Variants in GOT2 observed in about 807,000 individuals in gnomAD.
GOT2 encodes glutamic-oxaloacetic transaminase 2.
GOT2 carries 17 observed loss-of-function variants against 50.0 expected under a neutral mutation model. The observed-to-expected ratio is 0.34, with a 90% CI of 0.23 to 0.51. GOT2 has a LOEUF of 0.51. Among genes scored for constraint, GOT2 ranks in the 20% least tolerant of loss-of-function variants. The pLI is 0.97. For missense variants in GOT2, 430 were observed against 559.6 expected (o/e 0.77, Z 2.34); for synonymous variants, 172 against 204.9 (o/e 0.84, Z 1.37).
Position 58,716,089 on chromosome 16 carries a change from A to G in GOT2, c.944T>C (p.Met315Thr). The G allele has an allele frequency of 1.9e-6, 3 of 1,613,992 alleles. No homozygotes were observed. Among genetic ancestry groups the G allele is most frequent in the Non-Finnish European group, 2.5e-6 (3 of 1,179,886 alleles). Reference protein sequence around the residue: ...ESQLKILIRPMYSNPPLNGAR... With the variant: ...ESQLKILIRPTYSNPPLNGAR... Reference sequence around the variant, plus strand: ...CCCATTGAGGGGAGGGTTGGAATACATGGGACGGATCAAGATCTTCAACTG... The same window carrying G: ...CCCATTGAGGGGAGGGTTGGAATACGTGGGACGGATCAAGATCTTCAACTG... The change falls in exon 8 of 10, where the codon ATG becomes ACG. Residue 315 changes from methionine to threonine, a missense_variant. Physicochemically the swap from Met to Thr is moderately conservative, Grantham distance 81. Transcript: ENST00000245206.
intron 3 of GOT2, 94 bp from the exon 4 acceptor site, chr16:58,719,349 CAGA>C (rs1285185625): frequency 1.3e-6 from 1 of 794,572 alleles, no homozygotes; most frequent in Non-Finnish European, 2.2e-6. Context: ...TTTCATACTT[CAGA>C]AGCTCATTCT....
At chr16:58,714,469 G>A (rs1054122021) in intron 8 of GOT2, among the ~76,000 whole-genome samples, 6 of 150,984 alleles carry the variant, frequency 4.0e-5, no homozygotes, top group African/African-American at 7.3e-5. Context: ...GGAGAATGGC[G>A]TGAACCCGGG....
At chr16:58,725,362 G>A (rs760126101) in intron 1 of GOT2, among the ~76,000 whole-genome samples, 3 of 152,026 alleles carry the variant, frequency 2.0e-5, no homozygotes, top group Non-Finnish European at 2.9e-5. Flanking sequence ...TGATTTGCCC[G>A]CCTCAGCTTC....
chr16:58,717,038 C>T (rs1022402598), intron 6 of GOT2, among the ~76,000 whole-genome samples: 8 of 152,208 alleles, frequency 5.3e-5, no homozygotes, highest in African/African-American at 1.4e-4. Flanking sequence ...AATGCTGTTT[C>T]TGTCTCATTC....
chr16:58,708,270 G>A lies in GOT2; in HGVS notation c.1194C>T (p.Phe398=). ...GGCCATCTTTTGTCATGTAGATGGA[G>A]AACTCCTTGATCAGCCGCTCCACCT... ...PEQVERLIKE[F]SIYMTKDGRI... Residue 398 remains phenylalanine (F), a synonymous_variant, in exon 10 of 10, where the codon TTC becomes TTT. Coordinates refer to ENST00000245206, the MANE Select transcript of GOT2 (RefSeq NM_002080.4). 1 of 1,614,044 alleles carries A rather than the reference G, an allele frequency of 6.2e-7. No individual in the cohort carries two copies. The highest frequency in any genetic ancestry group is 8.5e-7 in the Non-Finnish European group (1 of 1,179,946).
At chr16:58,711,672 A>G (rs1190761013) in intron 8 of GOT2, among the ~76,000 whole-genome samples, 2 of 152,208 alleles carry the variant, frequency 1.3e-5, no homozygotes, top group East Asian at 3.8e-4. Flanking sequence ...ATAGCACTGT[A>G]TTAGCAAAAT....
intron 8 of GOT2, among the ~76,000 whole-genome samples, chr16:58,712,239 C>T (rs892395647): frequency 6.6e-6 from 1 of 152,282 alleles, no homozygotes; most frequent in Admixed American, 6.5e-5. Flanking sequence ...TGGCCAGGCG[C>T]GGTGGCTCAC....
At chr16:58,718,116 CT>C (rs1567487515) in intron 6 of GOT2, 79 bp downstream of exon 6, 2 of 978,120 alleles carry the variant, frequency 2.0e-6, no homozygotes, top group Non-Finnish European at 3.3e-6. Flanking sequence ...TTAAGACTCT[CT>C]GTTGAGACAT....
At chr16:58,723,657 G>C in intron 2 of GOT2, 89 bp downstream of exon 2, 1 of 1,088,268 alleles carries the variant, frequency 9.2e-7, no homozygotes, top group Non-Finnish European at 1.4e-6. Context: ...CAGGGCTCCT[G>C]ATTCCCGGTC....
intron 1 of GOT2, 110 bp from the exon 2 acceptor site, chr16:58,724,012 G>GAGCCAAGATAGCACCACT: frequency 1.0e-6 from 1 of 954,154 alleles, no homozygotes; most frequent in Non-Finnish European, 1.5e-6. Flanking sequence ...GGAGTGCAGT[G>GAGCCAAGATAGCACCACT]GTGCTATCTT....
chr16:58,720,832 C>T (rs548915729), intron 3 of GOT2, among the ~76,000 whole-genome samples: 41 of 152,168 alleles, frequency 2.7e-4, no homozygotes, highest in East Asian at 5.8e-4. Context: ...GTGATCCACC[C>T]GCCTTGGTCC....
At chr16:58,721,901 C>T in intron 3 of GOT2, 2 of 295,390 alleles carry the variant, frequency 6.8e-6, no homozygotes, top group South Asian at 1.1e-4. Flanking sequence ...CTGCCTAAGC[C>T]TCCTGAGTAG....
chr16:58,713,938 CTTTA>C (rs2044669679), intron 8 of GOT2, among the ~76,000 whole-genome samples: 1 of 152,188 alleles, frequency 6.6e-6, no homozygotes, highest in South Asian at 2.1e-4. Flanking sequence ...TCCAATAAAA[CTTTA>C]TTTACAAGAA....
At chr16:58,714,439 G>C (rs40574) in intron 8 of GOT2, among the ~76,000 whole-genome samples, 112,079 of 150,940 alleles carry the variant, frequency 0.74, 42,244 homozygotes, top group Middle Eastern at 0.9. Flanking sequence ...GTAGTCCCAG[G>C]TACTTGGGAG....
intron 1 of GOT2, among the ~76,000 whole-genome samples, chr16:58,726,318 T>G (rs2044782928): frequency 6.6e-6 from 1 of 152,062 alleles, no homozygotes; most frequent in South Asian, 2.1e-4. Context: ...CCCAAGTAGC[T>G]GGGATTACAA....
In GOT2 at chr16:58,719,356, T is replaced by C. The variant is rs146788266; in HGVS notation, c.376-101A>G. 1.8e-3 allele frequency: 1,352 copies of C among 743,870 alleles called. 17 individuals are homozygous for C. In the African/African-American group the frequency reaches 0.02, roughly 11 times the overall value. 46.1% of individuals were successfully genotyped at this position (743,870 alleles called of 1,614,324 possible). A position where few individuals can be genotyped will look rare whatever the true frequency, so the allele number is the denominator to read the frequency against. On this transcript the variant is annotated intron_variant, in intron 3 of 9. Coordinates refer to ENST00000245206, the MANE Select transcript of GOT2 (RefSeq NM_002080.4). Reference sequence around the variant, plus strand: ...CCAGGACCTTTCATACTTCAGAAGCTCATTCTTTATGGCCTGTCAGTATCA... The same window carrying C: ...CCAGGACCTTTCATACTTCAGAAGCCCATTCTTTATGGCCTGTCAGTATCA...
intron 3 of GOT2, among the ~76,000 whole-genome samples, chr16:58,721,423 A>G (rs1351760424): frequency 1.3e-5 from 2 of 152,218 alleles, no homozygotes; most frequent in Non-Finnish European, 2.9e-5. Flanking sequence ...TCCAGCCCCC[A>G]CAGTCCACCC....
rs1211465545 is a variant in GOT2, at chr16:58,734,281, G to A, written c.-53C>T. On this transcript the variant is annotated 5_prime_UTR_variant, in exon 1 of 10. Coordinates refer to ENST00000245206, the MANE Select transcript of GOT2 (RefSeq NM_002080.4). Reference sequence around the variant, plus strand: ...CCGCAGGACGGAGCAGAGGGCGAGCGGACACACACACAGGGAACCGGCTCC... The same window carrying A: ...CCGCAGGACGGAGCAGAGGGCGAGCAGACACACACACAGGGAACCGGCTCC... The A allele has an allele frequency of 4.1e-6, 4 of 985,900 alleles. No homozygotes were observed. Among genetic ancestry groups the A allele is most frequent in the Admixed American group, 3.9e-5 (1 of 25,486 alleles). 61.1% of individuals were successfully genotyped at this position (985,900 alleles called of 1,614,324 possible).
rs944162206 is a variant in GOT2, at chr16:58,718,126, A to G, written c.702+70T>C. 4 of 1,048,530 alleles carry G rather than the reference A, an allele frequency of 3.8e-6. No homozygotes were observed. In the African/African-American group the frequency reaches 6.2e-5, roughly 16 times the overall value. 65.0% of individuals were successfully genotyped at this position (1,048,530 alleles called of 1,614,324 possible). A position where few individuals can be genotyped will look rare whatever the true frequency, so the allele number is the denominator to read the frequency against. On this transcript the variant is annotated intron_variant, in intron 6 of 9. Transcript: ENST00000245206. ...CGAGGTTAAGACTCTCTGTTGAGAC[A>G]TTGCCAAATTAAGCCTCCAAAGCTG...
Sources: allele counts gnomAD v4.1 joint callset (sites outside exome capture counted in the v4.1 genomes callset), GRCh38; gene constraint gnomAD v4.1.1; transcripts MANE v1.5; gene names NCBI Gene and HGNC (gene_info 2026-07-23, HGNC 2026-07-21).